Variants in CNTNAP4 observed in about 807,000 individuals in gnomAD.
CNTNAP4 encodes contactin associated protein family member 4.
Under a neutral mutation model 148.4 loss-of-function variants are expected in CNTNAP4, and 98 were observed. That is an observed-to-expected ratio of 0.66 (90% confidence interval 0.56 to 0.78). CNTNAP4 has a LOEUF of 0.78. Ranked by LOEUF, CNTNAP4 falls within the 30% of genes least tolerant of loss-of-function variation. The pLI is 0.00. For synonymous variants in CNTNAP4, 730 were observed against 565.1 expected (o/e 1.29, Z -4.14); for missense variants, 1,935 against 1,565.6 (o/e 1.24, Z -3.98).
chr16:76,352,301 A>T (rs2195428), intron 2 of CNTNAP4, among the ~76,000 whole-genome samples: 19,804 of 152,072 alleles, frequency 0.13, 2,007 homozygotes, highest in East Asian at 0.47. Flanking sequence ...TGGAGAGAAA[A>T]ACTCATCCAC....
At chr16:76,300,666 C>G (rs1959864158) in intron 1 of CNTNAP4, among the ~76,000 whole-genome samples, 1 of 152,104 alleles carries the variant, frequency 6.6e-6, no homozygotes, top group South Asian at 2.1e-4. Context: ...AATAGAATAT[C>G]TTTCTCACAA....
At chr16:76,485,119 C>G (rs2143725731) in intron 12 of CNTNAP4, among the ~76,000 whole-genome samples, 1 of 152,106 alleles carries the variant, frequency 6.6e-6, no homozygotes, top group African/African-American at 2.4e-5. Flanking sequence ...CTTTTCTTTT[C>G]TTTTTTTCTT....
intron 15 of CNTNAP4, among the ~76,000 whole-genome samples, chr16:76,505,796 A>G (rs2082818238): frequency 1.0e-5 from 1 of 96,860 alleles, no homozygotes; most frequent in African/African-American, 2.6e-5. Context: ...GGGCTATAGG[A>G]GGTCAAGGTG....
chr16:76,448,063 A>G lies in CNTNAP4; in HGVS notation c.590A>G (p.Asp197Gly). 2 of 1,613,804 alleles carry G rather than the reference A, an allele frequency of 1.2e-6. No individual in the cohort carries two copies. The highest frequency in any genetic ancestry group is 1.7e-5 in the Admixed American group (1 of 60,018). ...DGKSSLLYRF[D>G]QKSLSPIKDI... Reference sequence around the variant, plus strand: ...AAAAGTTCCCTTCTCTACAGATTTGATCAAAAATCCCTGAGCCCAATAAAA... The same window carrying G: ...AAAAGTTCCCTTCTCTACAGATTTGGTCAAAAATCCCTGAGCCCAATAAAA... The change falls in exon 5 of 24, where the codon GAT (aspartate) becomes GGT (glycine). Residue 197 changes from aspartate (D) to glycine (G), a missense_variant. Transcript: ENST00000611870.
At chr16:76,522,780 C>CTTTTCTTTTTTTTT (rs1184582301) in intron 17 of CNTNAP4, among the ~76,000 whole-genome samples, 1 of 95,856 alleles carries the variant, frequency 1.0e-5, no homozygotes, top group Non-Finnish European at 2.4e-5. Flanking sequence ...TCTTTTCTTT[C>CTTTTCTTTTTTTTT]TTGACAGAGT....
chr16:76,311,566 G>C (rs1257970439), intron 1 of CNTNAP4, among the ~76,000 whole-genome samples: 2 of 152,060 alleles, frequency 1.3e-5, no homozygotes, highest in African/African-American at 4.8e-5. Context: ...TAAAGCTATC[G>C]TTTTACTACT....
rs752284651 is a variant in CNTNAP4, at chr16:76,560,367, A to T, written c.*1684A>T. On this transcript the variant is annotated 3_prime_UTR_variant, in exon 24 of 24. Coordinates refer to ENST00000611870, the MANE Select transcript of CNTNAP4 (RefSeq NM_033401.5). ...TCTGCAAATGCCTGACTAAATCTTA[A>T]GAACCTGAATTAACATAGTAGTTTA... Among the ~76,000 whole-genome samples, 13 of 152,212 alleles carry T rather than the reference A, an allele frequency of 8.5e-5. No individual in the cohort carries two copies. The highest frequency in any genetic ancestry group is 1.0e-4 in the Non-Finnish European group (7 of 68,042).
intron 2 of CNTNAP4, among the ~76,000 whole-genome samples, chr16:76,329,179 A>G (rs1241419409): frequency 2.0e-5 from 3 of 152,262 alleles, no homozygotes; most frequent in African/African-American, 7.2e-5. Flanking sequence ...AAAGGAATGT[A>G]AAAATGCAAT....
chr16:76,395,552 C>G (rs887608099), intron 3 of CNTNAP4, among the ~76,000 whole-genome samples: 4 of 151,822 alleles, frequency 2.6e-5, no homozygotes, highest in African/African-American at 7.3e-5. Context: ...GCGTGAGCCA[C>G]CGCGCCCGGC....
chr16:76,315,570 A>G (rs1473601622), intron 1 of CNTNAP4, among the ~76,000 whole-genome samples: 1 of 152,122 alleles, frequency 6.6e-6, no homozygotes, highest in South Asian at 2.1e-4. Context: ...GATATATTTG[A>G]GGATCAATTT....
At chr16:76,554,475 A>T (rs36066762) in intron 23 of CNTNAP4, among the ~76,000 whole-genome samples, 45,167 of 152,074 alleles carry the variant, frequency 0.3, 6,792 homozygotes, top group South Asian at 0.35. Flanking sequence ...GATTAGTAGT[A>T]ACTTTAAATT....
Position 76,522,698 on chromosome 16 carries a change from T to C in CNTNAP4, c.2755+441T>C, listed in dbSNP as rs1568497312. Among the ~76,000 whole-genome samples the C allele has an allele frequency of 6.6e-4, 9 of 13,588 alleles. 1 individual carries two copies. Among genetic ancestry groups the C allele is most frequent in the Admixed American group, 2.1e-3 (2 of 970 alleles). 8.9% of individuals were successfully genotyped at this position (13,588 alleles called of 152,430 possible). A position where few individuals can be genotyped will look rare whatever the true frequency, so the allele number is the denominator to read the frequency against. On this transcript the variant is annotated intron_variant, in intron 17 of 23. Transcript: ENST00000611870. ...TCTCTCTTTCTCTCCTTTCTTTTCT[T>C]TTCTTTTCTTTTCTTTTCTTTTCTT...
intron 3 of CNTNAP4, among the ~76,000 whole-genome samples, chr16:76,366,456 C>G (rs974453684): frequency 1.5e-4 from 23 of 152,168 alleles, no homozygotes; most frequent in African/African-American, 5.3e-4. Context: ...CCAAAACAGA[C>G]ATAATCTCAT....
At chr16:76,500,126 C>T (rs1252656929) in intron 15 of CNTNAP4, among the ~76,000 whole-genome samples, 2 of 152,020 alleles carry the variant, frequency 1.3e-5, no homozygotes, top group African/African-American at 4.8e-5. Context: ...ACTTCCCAGA[C>T]GGGGCGGCTG....
At chr16:76,540,902 G>C in intron 21 of CNTNAP4, 112 bp downstream of exon 21, 1 of 691,004 alleles carries the variant, frequency 1.4e-6, no homozygotes, top group Non-Finnish European at 2.4e-6. Context: ...GAAATCCCTT[G>C]CCTATTTTGA....
chr16:76,471,544 C>A (rs1408148229), intron 10 of CNTNAP4, among the ~76,000 whole-genome samples: 1 of 152,114 alleles, frequency 6.6e-6, no homozygotes. Context: ...CCCCTACTAT[C>A]CAGCCCTCAG....
At chr16:76,335,461 C>T (rs1156654412) in intron 2 of CNTNAP4, among the ~76,000 whole-genome samples, 1 of 152,064 alleles carries the variant, frequency 6.6e-6, no homozygotes, top group Non-Finnish European at 1.5e-5. Context: ...GATGAGCAGG[C>T]AGAAGGCATC....
At chr16:76,370,293 A>G (rs1213371024) in intron 3 of CNTNAP4, among the ~76,000 whole-genome samples, 4 of 152,028 alleles carry the variant, frequency 2.6e-5, no homozygotes, top group African/African-American at 9.7e-5. Flanking sequence ...CTGACAGAAA[A>G]AAAAAAATCC....
chr16:76,435,311 T>A (rs1248446795), intron 4 of CNTNAP4, among the ~76,000 whole-genome samples: 1 of 152,170 alleles, frequency 6.6e-6, no homozygotes, highest in African/African-American at 2.4e-5. Flanking sequence ...TCAGTTTTAC[T>A]TCTAGGAACA....
Sources: gnomAD v4.1 joint callset for allele counts (sites outside exome capture counted in the v4.1 genomes callset) on GRCh38, gnomAD v4.1.1 for gene constraint, MANE v1.5 for transcripts, NCBI Gene and HGNC (gene_info 2026-07-23, HGNC 2026-07-21) for gene names.